The following UGT1A8 variants were observed in gnomAD, a reference collection of about 807,000 sequenced individuals.
UGT1A8 encodes the protein UDP-glucuronosyltransferase 1A8.
A neutral mutation model predicts 45.3 loss-of-function variants in UGT1A8; 39 were observed. The ratio of observed to expected loss-of-function variants is 0.86; its 90% CI spans 0.67 to 1.12. The LOEUF (loss-of-function observed/expected upper bound fraction) is 1.12. Ranked by LOEUF, UGT1A8 falls within the 50% of genes most tolerant of loss-of-function variation. The pLI, the probability that UGT1A8 is intolerant of heterozygous loss-of-function variation, is 0.00. For missense variants in UGT1A8, 719 were observed against 664.9 expected (o/e 1.08, Z -0.90); for synonymous variants, 275 against 249.2 (o/e 1.10, Z -0.97).
At chr2:233,691,118 T>C in intron 1 of UGT1A8, 1 of 985,858 alleles carries the variant, frequency 1.0e-6, no homozygotes, top group Non-Finnish European at 1.2e-6. Context: ...CATGCTTGCT[T>C]AAGCCATTCT....
intron 1 of UGT1A8, among the ~76,000 whole-genome samples, chr2:233,726,112 G>A (rs1457987990): frequency 6.6e-6 from 1 of 152,176 alleles, no homozygotes; most frequent in Non-Finnish European, 1.5e-5. Flanking sequence ...GCTGCAGTGT[G>A]CCATGTTCAC....
At position 233,729,652 on chromosome 2, in the gene UGT1A8, A is replaced by G. The variant is rs573544269; in HGVS notation, c.856-37382A>G. On this transcript the variant is annotated intron_variant, in intron 1 of 4. Transcript: ENST00000373450. ...TCCTACTGTGTTTTTTTTGAGGAAC[A>G]TTCCATGTGATTTAGACTTTAAGGG... 5 of 1,613,890 alleles carry G rather than the reference A, an allele frequency of 3.1e-6. No individual in the cohort carries two copies. The African/African-American group carries it at 6.7e-5, about 22-fold the overall frequency.
At chr2:233,637,030 A>G (rs2073311447) in intron 1 of UGT1A8, 2 of 1,614,038 alleles carry the variant, frequency 1.2e-6, no homozygotes, top group African/African-American at 2.7e-5. Flanking sequence ...GGTCTTCACC[A>G]GGGGAATATT....
intron 1 of UGT1A8, chr2:233,721,911 G>T: frequency 2.3e-6 from 1 of 435,688 alleles, no homozygotes; most frequent in Non-Finnish European, 4.6e-6. Context: ...GGTGCACACT[G>T]CTTCCATAAA....
In UGT1A8 at chr2:233,743,767, G is replaced by C. The variant is rs374421270; in HGVS notation, c.856-23267G>C. ...CGTCCGACAACACCTCGTAGGCCTCGGCCACCTGCTTGAATCTCCTCTCCG... is the reference window on the plus strand; with the variant it reads ...CGTCCGACAACACCTCGTAGGCCTCCGCCACCTGCTTGAATCTCCTCTCCG... On this transcript the variant is annotated intron_variant, in intron 1 of 4. Transcript: ENST00000373450. 1.6e-3 allele frequency: 2,161 copies of C among 1,367,298 alleles called. 5 individuals are homozygous for C. Among genetic ancestry groups the C allele is most frequent in the Non-Finnish European group, 2.0e-3 (2,052 of 1,021,846 alleles). 84.7% of individuals were successfully genotyped at this position (1,367,298 alleles called of 1,614,324 possible).
At chr2:233,682,464 A>G in intron 1 of UGT1A8, 1 of 1,613,880 alleles carries the variant, frequency 6.2e-7, no homozygotes, top group African/African-American at 1.3e-5. Context: ...TTTTGCCACT[A>G]TCTTGAAGAA....
At chr2:233,720,103 C>T (rs2076831013) in intron 1 of UGT1A8, among the ~76,000 whole-genome samples, 1 of 152,162 alleles carries the variant, frequency 6.6e-6, no homozygotes, top group African/African-American at 2.4e-5. Flanking sequence ...GTGGTCCCAT[C>T]TTGCGAAAGA....
At chr2:233,731,010 G>T (rs17868337) in intron 1 of UGT1A8, among the ~76,000 whole-genome samples, 1 of 152,138 alleles carries the variant, frequency 6.6e-6, no homozygotes, top group Admixed American at 6.5e-5. Flanking sequence ...CATGTACATC[G>T]TGAGAGAATC....
chr2:233,730,435 C>G (rs1237158749), intron 1 of UGT1A8, among the ~76,000 whole-genome samples: 2 of 152,178 alleles, frequency 1.3e-5, no homozygotes, highest in African/African-American at 2.4e-5. Flanking sequence ...GTTGTCCCAT[C>G]TTGCAAATGA....
rs752459901 is a variant in UGT1A8 at position 233,617,701 on chromosome 2, T to A, written c.-7T>A. The A allele has an allele frequency of 1.9e-5, 31 of 1,609,070 alleles. No homozygotes were observed. In the South Asian group the frequency reaches 3.3e-4, roughly 17 times the overall value. On this transcript the variant is annotated 5_prime_UTR_variant, in exon 1 of 5. Coordinates refer to ENST00000373450, the MANE Select transcript of UGT1A8 (RefSeq NM_019076.5). Reference sequence around the variant, plus strand: ...TCCCAGCTGCTGGCTCGGGCTGCAGTTCTCTCATGGCTCGCACAGGGTGGA... The same window carrying A: ...TCCCAGCTGCTGGCTCGGGCTGCAGATCTCTCATGGCTCGCACAGGGTGGA...
At chr2:233,766,404 G>T (rs990056235) in intron 1 of UGT1A8, among the ~76,000 whole-genome samples, 1 of 152,164 alleles carries the variant, frequency 6.6e-6, no homozygotes. Flanking sequence ...GCGTCCCTCC[G>T]CTGATGTGCT....
rs191127700 is a variant in UGT1A8, at chr2:233,728,874, G to T, written c.856-38160G>T. 1.3e-4 allele frequency among the ~76,000 whole-genome samples: 20 copies of T among 152,302 alleles called. No homozygotes were observed. In the East Asian group the frequency reaches 3.7e-3, roughly 28 times the overall value. Reference sequence around the variant, plus strand: ...GATGAGAAACAAGAGCTTGAACTTGGATGTTCCCCAGAGTGAGCACAGGGT... The same window carrying T: ...GATGAGAAACAAGAGCTTGAACTTGTATGTTCCCCAGAGTGAGCACAGGGT... On this transcript the variant is annotated intron_variant, in intron 1 of 4. Transcript: ENST00000373450.
intron 1 of UGT1A8, chr2:233,689,912 C>T (rs1381963555): frequency 1.1e-5 from 5 of 456,566 alleles, no homozygotes; most frequent in Admixed American, 2.3e-5. Context: ...CAGGTAGGTG[C>T]CTGGAATTTC....
chr2:233,729,850 G>C (rs916795505), intron 1 of UGT1A8: 6 of 1,613,870 alleles, frequency 3.7e-6, no homozygotes, highest in Non-Finnish European at 5.1e-6. Context: ...TTTTCAGAGA[G>C]AGGTGTCAGT....
chr2:233,694,249 C>T (rs1192923893), intron 1 of UGT1A8, among the ~76,000 whole-genome samples: 2 of 151,962 alleles, frequency 1.3e-5, no homozygotes, highest in African/African-American at 2.4e-5. Flanking sequence ...GACCTTGAGC[C>T]AGGGACCAGC....
intron 1 of UGT1A8, among the ~76,000 whole-genome samples, chr2:233,696,340 C>T (rs905819454): frequency 8.6e-5 from 13 of 151,938 alleles, no homozygotes; most frequent in African/African-American, 2.9e-4. Context: ...TTATACAGAT[C>T]TTTCACTTCC....
chr2:233,632,364 C>T (rs1014956134), intron 1 of UGT1A8, among the ~76,000 whole-genome samples: 7 of 152,080 alleles, frequency 4.6e-5, no homozygotes, highest in African/African-American at 1.7e-4. Context: ...TTTTCCTATT[C>T]TGTGAAGAAA....
intron 1 of UGT1A8, among the ~76,000 whole-genome samples, chr2:233,622,366 ATT>A (rs1317894073): frequency 6.6e-6 from 1 of 152,070 alleles, no homozygotes; most frequent in African/African-American, 2.4e-5. Context: ...AAGCGTTCCT[ATT>A]TCTCCACATC....
At chr2:233,672,174 A>C (rs773426393) in intron 1 of UGT1A8, 2 of 1,614,092 alleles carry the variant, frequency 1.2e-6, no homozygotes, top group African/African-American at 2.7e-5. Flanking sequence ...ATTCAACTTC[A>C]TATACCCTGG....
Sources: allele counts gnomAD v4.1 joint callset (sites outside exome capture counted in the v4.1 genomes callset), GRCh38; gene constraint gnomAD v4.1.1; transcripts MANE v1.5; gene names NCBI Gene and HGNC (gene_info 2026-07-23, HGNC 2026-07-21).